The following EDA variants were observed in gnomAD, a reference collection of about 807,000 sequenced individuals.
The protein encoded by EDA is ectodysplasin A.
In EDA, 2 loss-of-function variants were observed where a neutral mutation model predicts 23.6. The ratio of observed to expected loss-of-function variants is 0.08; its 90% confidence interval spans 0.03 to 0.27. The LOEUF (loss-of-function observed/expected upper bound fraction) is 0.27. Among genes scored for constraint, EDA ranks in the 10% least tolerant of loss-of-function variants. The pLI, the probability that EDA is intolerant of heterozygous loss-of-function variation, is 1.00. For missense variants in EDA, 229 were observed against 324.2 expected, an observed-to-expected ratio of 0.71 and a Z score of 2.26; for synonymous variants, 131 against 132.0, an observed-to-expected ratio of 0.99 and a Z score of 0.05.
intron 1 of EDA, among the ~76,000 whole-genome samples, chrX:69,745,988 A>G (rs776557359): frequency 2.7e-5 from 3 of 111,355 alleles, no homozygotes; most frequent in South Asian, 7.7e-4. Context: ...CTCCGTCTCA[A>G]GAAGAAAAGG....
Position 69,903,019 on chromosome X carries a change from A to T in EDA, c.397-54008A>T, listed in dbSNP as rs763524779. On this transcript the variant is annotated intron_variant, in intron 1 of 7. Coordinates refer to ENST00000374552, the MANE Select transcript of EDA (RefSeq NM_001399.5). ...TCATGTTAAGTCACTCTTTTTTTGT[A>T]TGCACCTAATAAGAGCAACAAAGTA... Among the ~76,000 whole-genome samples the T allele has an allele frequency of 3.6e-5, 4 of 112,103 alleles. No individual in the cohort carries two copies. In the Admixed American group the frequency reaches 3.8e-4, roughly 11 times the overall value.
intron 2 of EDA, among the ~76,000 whole-genome samples, chrX:69,966,057 AAAT>A (rs1190779438): frequency 1.8e-5 from 2 of 111,984 alleles, no homozygotes; most frequent in Non-Finnish European, 3.8e-5. Context: ...AAAAAAATAA[AAAT>A]AAATAAAATG....
intron 1 of EDA, among the ~76,000 whole-genome samples, chrX:69,658,584 T>C (rs1409308217): frequency 9.0e-6 from 1 of 111,384 alleles, no homozygotes; most frequent in Non-Finnish European, 1.9e-5. Flanking sequence ...TGTCATACTT[T>C]CTTCTCAAAC....
chrX:69,953,961 G>A (rs762633536), intron 1 of EDA, among the ~76,000 whole-genome samples: 1 of 111,706 alleles, frequency 9.0e-6, no homozygotes, highest in Admixed American at 9.5e-5. Context: ...CTTGAGTTTG[G>A]TGGTAGTTAC....
chrX:69,949,027 A>C (rs991251069), intron 1 of EDA, among the ~76,000 whole-genome samples: 2 of 112,199 alleles, frequency 1.8e-5, no homozygotes, highest in African/African-American at 6.5e-5. Flanking sequence ...GTTTCAGGGC[A>C]TAAATGGTTT....
At chrX:69,656,565 G>A (rs1933328290) in intron 1 of EDA, among the ~76,000 whole-genome samples, 1 of 111,382 alleles carries the variant, frequency 9.0e-6, no homozygotes, top group Admixed American at 9.6e-5. Context: ...GTATATTGCA[G>A]GATGCTGAGG....
At chrX:69,949,685 G>A (rs1176758426) in intron 1 of EDA, among the ~76,000 whole-genome samples, 1 of 111,720 alleles carries the variant, frequency 9.0e-6, no homozygotes, top group East Asian at 2.8e-4. Flanking sequence ...TGGCTTTAAG[G>A]AATGGATTGG....
chrX:69,725,652 TG>T (rs748018664), intron 1 of EDA, among the ~76,000 whole-genome samples: 2 of 112,507 alleles, frequency 1.8e-5, no homozygotes, highest in African/African-American at 6.4e-5. Context: ...ACACATAGCA[TG>T]TGCTCAGTAC....
At chrX:69,891,670 C>G (rs777842912) in intron 1 of EDA, among the ~76,000 whole-genome samples, 95 of 111,263 alleles carry the variant, frequency 8.5e-4, no homozygotes, top group Non-Finnish European at 1.7e-3. Flanking sequence ...GAACAGAAAA[C>G]CAAGTACCAC....
At chrX:69,704,570 G>A (rs993672731) in intron 1 of EDA, among the ~76,000 whole-genome samples, 3 of 109,049 alleles carry the variant, frequency 2.8e-5, no homozygotes, top group Admixed American at 9.8e-5. Flanking sequence ...GGTTAACTTC[G>A]GAATGCCCTT....
chrX:69,768,629 G>T (rs1218718928), intron 1 of EDA, among the ~76,000 whole-genome samples: 2 of 111,528 alleles, frequency 1.8e-5, no homozygotes, highest in African/African-American at 6.5e-5. Flanking sequence ...AGTAACATAT[G>T]TCCTCCATAA....
intron 1 of EDA, among the ~76,000 whole-genome samples, chrX:69,676,556 G>T (rs1320442507): frequency 9.1e-6 from 1 of 109,414 alleles, no homozygotes; most frequent in Non-Finnish European, 1.9e-5. Flanking sequence ...TAATTTCTTG[G>T]ACTCTCAATA....
At chrX:70,018,974 G>A (rs1205378039) in intron 2 of EDA, among the ~76,000 whole-genome samples, 1 of 111,539 alleles carries the variant, frequency 9.0e-6, no homozygotes, top group African/African-American at 3.3e-5. Context: ...GTATCTATAA[G>A]AAACTTAAAC....
chrX:69,626,869 GT>G (rs748932344), intron 1 of EDA, among the ~76,000 whole-genome samples: 2 of 111,538 alleles, frequency 1.8e-5, no homozygotes, highest in African/African-American at 6.5e-5. Flanking sequence ...ATATAAAGTA[GT>G]TTTTTTTAAG....
intron 1 of EDA, among the ~76,000 whole-genome samples, chrX:69,892,524 A>T (rs1326260584): frequency 9.0e-6 from 1 of 111,587 alleles, no homozygotes; most frequent in Non-Finnish European, 1.9e-5. Context: ...GGACCAAAAA[A>T]TCTTCCAGTT....
At chrX:69,833,338 G>A (rs898781971) in intron 1 of EDA, among the ~76,000 whole-genome samples, 2 of 111,616 alleles carry the variant, frequency 1.8e-5, no homozygotes, top group Non-Finnish European at 3.8e-5. Flanking sequence ...TGTGGATTAC[G>A]TTTATTGATT....
At chrX:69,898,765 A>C (rs2018056942) in intron 1 of EDA, among the ~76,000 whole-genome samples, 1 of 112,168 alleles carries the variant, frequency 8.9e-6, no homozygotes. Context: ...TACAATTGGA[A>C]CTGCCCTGGT....
At chrX:69,992,587 A>G (rs1217180554) in intron 2 of EDA, among the ~76,000 whole-genome samples, 2 of 112,168 alleles carry the variant, frequency 1.8e-5, no homozygotes, top group Admixed American at 9.4e-5. Context: ...TCTCTATTAC[A>G]AACAATGCTG....
intron 1 of EDA, among the ~76,000 whole-genome samples, chrX:69,835,968 G>T (rs1457689660): frequency 4.5e-5 from 5 of 111,914 alleles, no homozygotes; most frequent in African/African-American, 1.3e-4. Flanking sequence ...TAACAGTTAG[G>T]TCCCTCAGCT....
Sources: gnomAD v4.1 joint callset for allele counts (sites outside exome capture counted in the v4.1 genomes callset) on GRCh38, gnomAD v4.1.1 for gene constraint, MANE v1.5 for transcripts, NCBI Gene and HGNC (gene_info 2026-07-23, HGNC 2026-07-21) for gene names.